The following CCDC38 variants were observed in gnomAD, a reference collection of about 807,000 sequenced individuals.
The protein encoded by CCDC38 is coiled-coil domain containing 38, also known as coiled-coil domain-containing protein 38.
Under a neutral mutation model 72.8 loss-of-function variants are expected in CCDC38, and 69 were observed. The ratio of observed to expected loss-of-function variants is 0.95; its 90% CI spans 0.78 to 1.16. The LOEUF is 1.16. Among genes scored for constraint, CCDC38 ranks in the 50% most tolerant of loss-of-function variants. CCDC38 has a pLI of 0.00. For missense variants in CCDC38, 626 were observed against 638.9 expected (o/e 0.98, Z 0.22); for synonymous variants, 201 against 213.2 (o/e 0.94, Z 0.50).
intron 15 of CCDC38, among the ~76,000 whole-genome samples, chr12:95,867,698 C>T (rs920500018): frequency 6.6e-6 from 1 of 152,152 alleles, no homozygotes; most frequent in African/African-American, 2.4e-5. Context: ...TTTGGGAAAC[C>T]CCGAGTTCAT....
chr12:95,920,900 G>GGGTGGATAACCTGAGGTC (rs370025715), intron 2 of CCDC38, among the ~76,000 whole-genome samples: 14,070 of 151,960 alleles, frequency 0.093, 1,162 homozygotes, highest in East Asian at 0.46. Flanking sequence ...AGGCCGAGGT[G>GGGTGGATAACCTGAGGTC]GGTGGATAAC....
chr12:95,917,790 T>C (rs1429390845), intron 3 of CCDC38, among the ~76,000 whole-genome samples: 1 of 150,828 alleles, frequency 6.6e-6, no homozygotes, highest in African/African-American at 2.4e-5. Flanking sequence ...AAGAATCACT[T>C]GAACCTGGTG....
chr12:95,903,643 A>G (rs1270841029), intron 5 of CCDC38: 1 of 527,946 alleles, frequency 1.9e-6, no homozygotes, highest in Non-Finnish European at 3.4e-6. Context: ...ATCAATTGGG[A>G]TAATCATATG....
At position 95,926,716 on chromosome 12, in the gene CCDC38, C is replaced by T. The variant is rs11108341; in HGVS notation, c.38-7740G>A. On this transcript the variant is annotated intron_variant, in intron 2 of 15. Transcript: ENST00000344280. ...TTCCCTCTACACACTGCTTTGGATG[C>T]GTCCCAGAGATTCTGGTATGTTGTG... Among the ~76,000 whole-genome samples, 12 of 150,538 alleles carry T rather than the reference C, an allele frequency of 8.0e-5. No homozygotes were observed. In the South Asian group the frequency reaches 1.1e-3, roughly 13 times the overall value.
intron 2 of CCDC38, among the ~76,000 whole-genome samples, chr12:95,931,281 T>C (rs978044960): frequency 1.3e-4 from 20 of 152,226 alleles, no homozygotes; most frequent in African/African-American, 4.8e-4. Flanking sequence ...AGCCTCTACT[T>C]CCATTGTCAC....
intron 1 of CCDC38, among the ~76,000 whole-genome samples, chr12:95,937,828 T>A (rs2136747806): frequency 6.6e-6 from 1 of 152,368 alleles, no homozygotes; most frequent in South Asian, 2.1e-4. Flanking sequence ...TCAGGCACTG[T>A]TCTACGTGTG....
intron 10 of CCDC38, among the ~76,000 whole-genome samples, chr12:95,883,260 A>G (rs1013234651): frequency 1.3e-5 from 2 of 152,148 alleles, no homozygotes; most frequent in Non-Finnish European, 2.9e-5. Context: ...CCATCTTTCT[A>G]AAGTGCAAAT....
intron 14 of CCDC38, among the ~76,000 whole-genome samples, chr12:95,870,447 G>T (rs192598845): frequency 6.6e-6 from 1 of 152,188 alleles, no homozygotes; most frequent in East Asian, 1.9e-4. Context: ...ATATACTAGG[G>T]AATGGAAATA....
At chr12:95,907,339 T>C (rs1228275561) in intron 4 of CCDC38, among the ~76,000 whole-genome samples, 3 of 145,538 alleles carry the variant, frequency 2.1e-5, no homozygotes, top group African/African-American at 5.2e-5. Context: ...AGCTGTTGGG[T>C]ACACCTCCCA....
intron 14 of CCDC38, among the ~76,000 whole-genome samples, chr12:95,871,860 T>C (rs1220418197): frequency 6.6e-6 from 1 of 152,136 alleles, no homozygotes; most frequent in East Asian, 1.9e-4. Flanking sequence ...CTTGGGTCCT[T>C]CACCACCAGT....
chr12:95,899,551 G>C (rs1190226251), intron 5 of CCDC38, among the ~76,000 whole-genome samples: 9 of 152,088 alleles, frequency 5.9e-5, no homozygotes, highest in Admixed American at 5.9e-4. Flanking sequence ...CACCTGCCTT[G>C]GCCTCCCAAA....
At chr12:95,926,629 A>T (rs2080274158) in intron 2 of CCDC38, among the ~76,000 whole-genome samples, 2 of 151,244 alleles carry the variant, frequency 1.3e-5, no homozygotes, top group African/African-American at 2.4e-5. Flanking sequence ...TTTAATTGTG[A>T]TGTTAGGGTG....
intron 2 of CCDC38, among the ~76,000 whole-genome samples, chr12:95,929,660 C>T (rs1412726648): frequency 2.6e-5 from 4 of 152,164 alleles, no homozygotes; most frequent in Non-Finnish European, 5.9e-5. Flanking sequence ...TTTGTCCCTC[C>T]AAGTTCAAAG....
Position 95,907,665 on chromosome 12 carries a change from G to A in CCDC38, c.305-1214C>T, listed in dbSNP as rs1406302045. On this transcript the variant is annotated intron_variant, in intron 4 of 15. Coordinates refer to ENST00000344280, the MANE Select transcript of CCDC38 (RefSeq NM_182496.3). ...CAGACGGGGTGGCTGCCGGGCAGAG[G>A]GGCTCCTCACTTCTCAGACGGGGCG... Among the ~76,000 whole-genome samples, 57 of 96,812 alleles carry A rather than the reference G, an allele frequency of 5.9e-4. 2 individuals are homozygous for A. The highest frequency in any genetic ancestry group is 1.9e-3 in the African/African-American group (49 of 25,984). 63.5% of individuals were successfully genotyped at this position (96,812 alleles called of 152,430 possible). A position where few individuals can be genotyped will look rare whatever the true frequency, so the allele number is the denominator to read the frequency against.
chr12:95,882,183 GGA>G (rs2079708075), intron 10 of CCDC38, among the ~76,000 whole-genome samples: 1 of 152,162 alleles, frequency 6.6e-6, no homozygotes, highest in South Asian at 2.1e-4. Flanking sequence ...GCAGGGATAG[GGA>G]GAGAGTAAGT....
chr12:95,911,483 C>T (rs780200563), intron 4 of CCDC38, among the ~76,000 whole-genome samples: 11 of 152,056 alleles, frequency 7.2e-5, no homozygotes, highest in Non-Finnish European at 1.3e-4. Flanking sequence ...TATGTATATT[C>T]GCAACCTTTG....
chr12:95,919,545 TA>T (rs1415211384), intron 2 of CCDC38: 2 of 455,972 alleles, frequency 4.4e-6, no homozygotes, highest in Admixed American at 4.7e-5. Context: ...AGAATGCAGA[TA>T]GCCTTGCCTC....
chr12:95,898,191 G>A (rs899253449), intron 7 of CCDC38, among the ~76,000 whole-genome samples, 194 bp downstream of exon 7: 2 of 152,120 alleles, frequency 1.3e-5, no homozygotes, highest in Non-Finnish European at 2.9e-5. Flanking sequence ...CTTTCCAACC[G>A]GAAGCCACAT....
rs117172529 is a variant in CCDC38 at position 95,887,907 on chromosome 12, G to A, written c.920+551C>T. Among the ~76,000 whole-genome samples the A allele has an allele frequency of 6.6e-3, 1,005 of 152,244 alleles. 7 individuals carry two copies. Among genetic ancestry groups the A allele is most frequent in the Non-Finnish European group, 6.2e-3 (425 of 68,014 alleles). On this transcript the variant is annotated intron_variant, in intron 10 of 15. Transcript: ENST00000344280. Reference sequence around the variant, plus strand: ...GGGTGCCTAGAATTCACAGCAAAATGTTTCCGTTTCTCTCAGTGATTGTCA... The same window carrying A: ...GGGTGCCTAGAATTCACAGCAAAATATTTCCGTTTCTCTCAGTGATTGTCA...
Sources: allele counts gnomAD v4.1 joint callset (sites outside exome capture counted in the v4.1 genomes callset), GRCh38; gene constraint gnomAD v4.1.1; transcripts MANE v1.5; gene names NCBI Gene and HGNC (gene_info 2026-07-23, HGNC 2026-07-21).